The following GASK1B variants were observed in gnomAD, a reference collection of about 807,000 sequenced individuals.
GASK1B encodes golgi associated kinase 1B.
A neutral mutation model predicts 42.8 loss-of-function variants in GASK1B; 34 were observed. The ratio of observed to expected loss-of-function variants is 0.79; its 90% confidence interval spans 0.60 to 1.06. The LOEUF is 1.06. Ranked by LOEUF, GASK1B falls within the 50% of genes least tolerant of loss-of-function variation. GASK1B has a pLI of 0.00. For synonymous variants in GASK1B, 262 were observed against 259.1 expected, an observed-to-expected ratio of 1.01 and a Z score of -0.11; for missense variants, 686 against 661.0, an observed-to-expected ratio of 1.04 and a Z score of -0.42.
intron 3 of GASK1B, among the ~76,000 whole-genome samples, chr4:158,132,525 G>A (rs774085239): frequency 1.3e-5 from 2 of 152,164 alleles, no homozygotes; most frequent in Non-Finnish European, 2.9e-5. Flanking sequence ...AAATTGAAAT[G>A]GTTATTTAGT....
At chr4:158,149,923 C>CTTATTTTTTTTTT (rs1731483986) in intron 3 of GASK1B, among the ~76,000 whole-genome samples, 2 of 67,178 alleles carry the variant, frequency 3.0e-5, no homozygotes, top group African/African-American at 1.2e-4. Flanking sequence ...CTGCATGCTG[C>CTTATTTTTTTTTT]TTTTTTTTTT....
intron 2 of GASK1B, among the ~76,000 whole-genome samples, chr4:158,164,098 A>T (rs1579047180): frequency 6.6e-6 from 1 of 152,156 alleles, no homozygotes; most frequent in African/African-American, 2.4e-5. Context: ...TGACTGGAAG[A>T]TTTCCTCCAG....
At chr4:158,156,544 T>G (rs886120679) in intron 2 of GASK1B, among the ~76,000 whole-genome samples, 4 of 152,164 alleles carry the variant, frequency 2.6e-5, no homozygotes, top group African/African-American at 9.7e-5. Context: ...GTCTCACTCT[T>G]GGAAGTTTAG....
intron 2 of GASK1B, among the ~76,000 whole-genome samples, chr4:158,159,269 A>T (rs1472887489): frequency 6.6e-6 from 1 of 152,184 alleles, no homozygotes; most frequent in Non-Finnish European, 1.5e-5. Flanking sequence ...AGACAGACTG[A>T]GTCACAGATG....
In GASK1B at chr4:158,168,992, G is replaced by A. The variant is rs116159186; in HGVS notation, c.910+1474C>T. The A allele has an allele frequency of 4.4e-3, 670 of 152,280 alleles. 4 individuals carry two copies. Among genetic ancestry groups the A allele is most frequent in the African/African-American group, 0.015 (627 of 41,554 alleles). 9.4% of individuals were successfully genotyped at this position (152,280 alleles called of 1,614,324 possible). A position where few individuals can be genotyped will look rare whatever the true frequency, so the allele number is the denominator to read the frequency against. On this transcript the variant is annotated intron_variant, in intron 2 of 4. Transcript: ENST00000585682. ...ATATTCACCTAAGTCCAGTGGCTAAGAAGTTATGTTCTGAAGTTTGCTGGG... is the reference window on the plus strand; with the variant it reads ...ATATTCACCTAAGTCCAGTGGCTAAAAAGTTATGTTCTGAAGTTTGCTGGG...
Position 158,171,317 on chromosome 4 carries a change from A to T in GASK1B, c.59T>A (p.Val20Asp). 6.2e-7 allele frequency: 1 copy of T among 1,612,544 alleles called. No homozygotes were observed. The highest frequency in any genetic ancestry group is 1.1e-5 in the South Asian group (1 of 90,836). ...GCTCCAGAGCTTACGCACCCGCGGG[A>T]CGCACAGGGAGCAGATGAACCAGTT... ...LINWFICSLC[V>D]PRVRKLWSSR... Residue 20 changes from valine (V) to aspartate (D), a missense_variant, in exon 2 of 5, where the codon GTC becomes GAC. Coordinates refer to ENST00000585682, the MANE Select transcript of GASK1B (RefSeq NM_001128424.2).
In GASK1B at chr4:158,127,343, T is replaced by G. The variant is rs1730494105; in HGVS notation, c.*64A>C. 2.8e-6 allele frequency: 4 copies of G among 1,416,080 alleles called. No homozygotes were observed. In the Middle Eastern group the frequency reaches 6.4e-4, roughly 228 times the overall value. 87.7% of individuals were successfully genotyped at this position (1,416,080 alleles called of 1,614,324 possible). ...TAAACGGGCTTGAGGTTGATGTGCT[T>G]GATTTAAAAACAAAACCAAAAATGC... On this transcript the variant is annotated 3_prime_UTR_variant, in exon 5 of 5. Coordinates refer to ENST00000585682, the MANE Select transcript of GASK1B (RefSeq NM_001128424.2).
intron 4 of GASK1B, among the ~76,000 whole-genome samples, chr4:158,128,526 A>C (rs1175068807): frequency 6.6e-6 from 1 of 152,210 alleles, no homozygotes; most frequent in African/African-American, 2.4e-5. Flanking sequence ...AGCACAGTAA[A>C]AATATTGTTT....
chr4:158,171,251 G>T lies in GASK1B; in HGVS notation c.125C>A (p.Thr42Asn). The part of the protein sequence containing the change: ...PRTRRNLLLG[T>N]ACAIYLGFLV... The stretch of plus-strand genomic sequence containing the variant: ...GAAGCCCAAGTAGATGGCACACGCA[G>T]TGCCCAGCAGAAGGTTTCTCCGGGT... Residue 42 changes from threonine to asparagine, a missense_variant, in exon 2 of 5, where the codon ACT becomes AAT. Thr to Asn is a moderately conservative substitution (Grantham distance 65, BLOSUM62 0). Coordinates refer to ENST00000585682, the MANE Select transcript of GASK1B (RefSeq NM_001128424.2). The T allele has an allele frequency of 6.2e-7, 1 of 1,614,048 alleles. No homozygotes were observed. Among genetic ancestry groups the T allele is most frequent in the Non-Finnish European group, 8.5e-7 (1 of 1,180,018 alleles).
chr4:158,131,385 T>G (rs1252661114), intron 3 of GASK1B, among the ~76,000 whole-genome samples: 1 of 152,202 alleles, frequency 6.6e-6, no homozygotes, highest in African/African-American at 2.4e-5. Context: ...CTCTGTCTTG[T>G]TTTCTCCCTC....
rs1264135989 is a variant in GASK1B at position 158,137,933 on chromosome 4, C to T, written c.1126-6921G>A. Among the ~76,000 whole-genome samples, 4 of 152,130 alleles carry T rather than the reference C, an allele frequency of 2.6e-5. 1 individual carries two copies. In the South Asian group the frequency reaches 8.3e-4, roughly 32 times the overall value. ...AAAAATGGGCATAGGCTTCCTTGTGCCTCTGCCTCTGTAAAGAGCATTCAT... is the reference window on the plus strand; with the variant it reads ...AAAAATGGGCATAGGCTTCCTTGTGTCTCTGCCTCTGTAAAGAGCATTCAT... On this transcript the variant is annotated intron_variant, in intron 3 of 4. Transcript: ENST00000585682.
At chr4:158,128,710 G>C (rs1429036657) in intron 4 of GASK1B, among the ~76,000 whole-genome samples, 2 of 152,200 alleles carry the variant, frequency 1.3e-5, no homozygotes, top group African/African-American at 4.8e-5. Flanking sequence ...CAAGGATCAG[G>C]TGCTCCAGCA....
intron 2 of GASK1B, among the ~76,000 whole-genome samples, chr4:158,164,544 T>C (rs1014826133): frequency 1.3e-5 from 2 of 152,182 alleles, no homozygotes; most frequent in African/African-American, 4.8e-5. Context: ...CCAGCTCAAT[T>C]TGATTCATAA....
chr4:158,155,798 C>G lies in GASK1B; in HGVS notation c.938G>C (p.Trp313Ser), dbSNP rs1731736716. The G allele has an allele frequency of 6.2e-7, 1 of 1,613,566 alleles. No individual in the cohort carries two copies. The highest frequency in any genetic ancestry group is 8.5e-7 in the Non-Finnish European group (1 of 1,179,744). ...QDGRPCPIIL[W>S]DASLSSASND... is the part of the protein sequence containing the mutation. ...ACTTGCTGAAGATAAAGATGCATCC[C>G]AAAGAATGATGGGGCATGGGCGGCC... Residue 313 changes from tryptophan to serine, a missense_variant, in exon 3 of 5, where the codon TGG becomes TCG. Physicochemically the swap from Trp to Ser is radical, Grantham distance 177. Transcript: ENST00000585682.
chr4:158,171,683 T>A (rs1732546387), intron 1 of GASK1B, 84 bp from the exon 2 acceptor site: 2 of 250,524 alleles, frequency 8.0e-6, no homozygotes, highest in East Asian at 7.7e-5. Context: ...AAAAAAGTAA[T>A]CATTTCCTTT....
intron 3 of GASK1B, among the ~76,000 whole-genome samples, chr4:158,142,224 G>A (rs985522081): frequency 4.6e-5 from 7 of 152,018 alleles, no homozygotes; most frequent in Admixed American, 3.9e-4. Context: ...GATTACAGGC[G>A]TGAGCCACCG....
chr4:158,162,980 A>C (rs1162345012), intron 2 of GASK1B, among the ~76,000 whole-genome samples: 1 of 152,164 alleles, frequency 6.6e-6, no homozygotes, highest in East Asian at 1.9e-4. Context: ...CTTTCAGGGA[A>C]CATATATTAT....
intron 3 of GASK1B, among the ~76,000 whole-genome samples, chr4:158,141,125 G>T (rs979424427): frequency 6.6e-6 from 1 of 152,064 alleles, no homozygotes; most frequent in Non-Finnish European, 1.5e-5. Context: ...GAAAAACAAC[G>T]CCAGCAATCT....
Position 158,127,393 on chromosome 4 carries a change from A to G in GASK1B, c.*14T>C. 1 of 1,607,576 alleles carries G rather than the reference A, an allele frequency of 6.2e-7. No homozygotes were observed. The highest frequency in any genetic ancestry group is 8.5e-7 in the Non-Finnish European group (1 of 1,175,728). ...CATAAATATATCTAACACCCTAGCCAGAAGATTCTTTTGTCATTCATTCAT... is the reference window on the plus strand; with the variant it reads ...CATAAATATATCTAACACCCTAGCCGGAAGATTCTTTTGTCATTCATTCAT... On this transcript the variant is annotated 3_prime_UTR_variant, in exon 5 of 5. Coordinates refer to ENST00000585682, the MANE Select transcript of GASK1B (RefSeq NM_001128424.2).
Sources: allele counts gnomAD v4.1 joint callset (sites outside exome capture counted in the v4.1 genomes callset), GRCh38; gene constraint gnomAD v4.1.1; transcripts MANE v1.5; gene names NCBI Gene and HGNC (gene_info 2026-07-23, HGNC 2026-07-21).